Variants in KLHL1 observed in about 807,000 individuals in gnomAD.
KLHL1 encodes the protein kelch-like protein 1.
In KLHL1, 47 loss-of-function variants were observed where a neutral mutation model predicts 77.7. The ratio of observed to expected loss-of-function variants is 0.60; its 90% CI spans 0.48 to 0.77. The LOEUF (loss-of-function observed/expected upper bound fraction) is 0.77, where lower values mean the gene tolerates loss of function less well. Among genes scored for constraint, KLHL1 ranks in the 30% least tolerant of loss-of-function variants. KLHL1 has a pLI of 0.00. For synonymous variants in KLHL1, 360 were observed against 325.2 expected (o/e 1.11, Z -1.15); for missense variants, 925 against 910.8 (o/e 1.02, Z -0.20).
Position 69,796,951 on chromosome 13 carries a change from T to C in KLHL1, c.1426A>G (p.Ile476Val), listed in dbSNP as rs1326462934. ...GMDNNKGATT[I>V]EKYDLRTNLW... Reference sequence around the variant, plus strand: ...TTTGTTCTCAGATCATATTTCTCTATAGTTGTAGCTCCTGATAAAACATAA... The same window carrying C: ...TTTGTTCTCAGATCATATTTCTCTACAGTTGTAGCTCCTGATAAAACATAA... Residue 476 changes from isoleucine to valine, a missense_variant, in exon 7 of 11, where the codon ATA (isoleucine) becomes GTA (valine). Physicochemically the swap from Ile to Val is conservative, Grantham distance 29. Coordinates refer to ENST00000377844, the MANE Select transcript of KLHL1 (RefSeq NM_020866.3). 1 of 1,613,738 alleles carries C rather than the reference T, an allele frequency of 6.2e-7. No homozygotes were observed. The highest frequency in any genetic ancestry group is 1.7e-5 in the Admixed American group (1 of 60,020).
chr13:70,073,002 T>C (rs571377693), intron 1 of KLHL1, among the ~76,000 whole-genome samples: 2 of 152,240 alleles, frequency 1.3e-5, no homozygotes, highest in East Asian at 1.9e-4. Flanking sequence ...AGACAGTTGG[T>C]GATTCCTCAA....
At chr13:69,813,232 A>C (rs1013260634) in intron 6 of KLHL1, among the ~76,000 whole-genome samples, 56 of 151,972 alleles carry the variant, frequency 3.7e-4, no homozygotes, top group South Asian at 1.2e-3. Flanking sequence ...GGACAAAAAA[A>C]CAAACACCGC....
intron 4 of KLHL1, among the ~76,000 whole-genome samples, chr13:69,912,114 A>T (rs1223555814): frequency 6.6e-6 from 1 of 152,156 alleles, no homozygotes; most frequent in East Asian, 1.9e-4. Context: ...CAGAAAAATG[A>T]GGGGAGAAAG....
chr13:70,005,458 T>C (rs1019667710), intron 1 of KLHL1, among the ~76,000 whole-genome samples: 8 of 151,996 alleles, frequency 5.3e-5, no homozygotes, highest in Non-Finnish European at 1.0e-4. Flanking sequence ...TTAAAACATT[T>C]TGAAATTTGT....
At chr13:69,744,806 TG>T (rs1874138607) in intron 7 of KLHL1, among the ~76,000 whole-genome samples, 1 of 152,016 alleles carries the variant, frequency 6.6e-6, no homozygotes, top group African/African-American at 2.4e-5. Context: ...TTAGGTGAGA[TG>T]GTAACATTTT....
intron 8 of KLHL1, among the ~76,000 whole-genome samples, chr13:69,726,758 C>G (rs182652704): frequency 6.6e-6 from 1 of 152,126 alleles, no homozygotes; most frequent in African/African-American, 2.4e-5. Flanking sequence ...TTAATCCCTC[C>G]GTGTTTCCTC....
chr13:69,751,150 ATC>A (rs979070660), intron 7 of KLHL1, among the ~76,000 whole-genome samples: 1 of 126,978 alleles, frequency 7.9e-6, no homozygotes, highest in Non-Finnish European at 1.7e-5. Flanking sequence ...GTGTGTGTGT[ATC>A]TGTGTTGGGA....
chr13:70,094,647 T>C (rs1388060174), intron 1 of KLHL1, among the ~76,000 whole-genome samples: 1 of 152,080 alleles, frequency 6.6e-6, no homozygotes, highest in Non-Finnish European at 1.5e-5. Flanking sequence ...CCATTTTACT[T>C]TGGATGGGCT....
At chr13:69,729,950 A>AT (rs1377073617) in intron 8 of KLHL1, among the ~76,000 whole-genome samples, 2 of 152,176 alleles carry the variant, frequency 1.3e-5, no homozygotes, top group South Asian at 4.1e-4. Context: ...GGATTTCTTA[A>AT]TATATGATGT....
At chr13:70,032,579 T>C (rs7318901) in intron 1 of KLHL1, among the ~76,000 whole-genome samples, 124,410 of 152,118 alleles carry the variant, frequency 0.82, 51,660 homozygotes, top group East Asian at 0.92. Flanking sequence ...TTACTTACGA[T>C]GTTAGTTAAA....
intron 4 of KLHL1, among the ~76,000 whole-genome samples, chr13:69,902,605 A>T (rs1339487230): frequency 6.6e-6 from 1 of 152,166 alleles, no homozygotes; most frequent in Non-Finnish European, 1.5e-5. Context: ...TGTCCTTTGT[A>T]GGGACATGGA....
At chr13:69,966,344 T>C (rs924714135) in intron 2 of KLHL1, among the ~76,000 whole-genome samples, 1 of 152,126 alleles carries the variant, frequency 6.6e-6, no homozygotes. Flanking sequence ...CTAATTCTAC[T>C]CAGCCAGTGC....
At chr13:70,083,232 C>T (rs921428176) in intron 1 of KLHL1, among the ~76,000 whole-genome samples, 7 of 152,088 alleles carry the variant, frequency 4.6e-5, no homozygotes, top group South Asian at 2.1e-4. Context: ...TACAAATTGT[C>T]GTCACTACTA....
intron 1 of KLHL1, among the ~76,000 whole-genome samples, chr13:70,102,981 T>C (rs528856106): frequency 6.6e-6 from 1 of 152,198 alleles, no homozygotes; most frequent in South Asian, 2.1e-4. Context: ...ACAAACAAAA[T>C]CAACACAGAT....
intron 7 of KLHL1, among the ~76,000 whole-genome samples, chr13:69,775,701 T>C (rs1053989820): frequency 1.3e-5 from 2 of 151,772 alleles, no homozygotes; most frequent in African/African-American, 2.4e-5. Flanking sequence ...GGGTTTTTTT[T>C]TGTTTTTGAT....
chr13:69,730,289 G>A (rs912872407), intron 8 of KLHL1, among the ~76,000 whole-genome samples: 5 of 151,880 alleles, frequency 3.3e-5, no homozygotes, highest in Admixed American at 6.6e-5. Flanking sequence ...GTGTGTGTGT[G>A]TGTGTGTGTT....
At chr13:70,024,769 T>C (rs1368618126) in intron 1 of KLHL1, among the ~76,000 whole-genome samples, 1 of 151,826 alleles carries the variant, frequency 6.6e-6, no homozygotes, top group Non-Finnish European at 1.5e-5. Flanking sequence ...TGCATTGTTA[T>C]ACAGATCAAA....
intron 6 of KLHL1, among the ~76,000 whole-genome samples, chr13:69,801,473 C>T (rs778085982): frequency 1.3e-5 from 2 of 152,128 alleles, no homozygotes; most frequent in Non-Finnish European, 2.9e-5. Context: ...GCTGCCATTA[C>T]AAACATGTCA....
chr13:70,093,131 G>C (rs77284552), intron 1 of KLHL1, among the ~76,000 whole-genome samples: 3 of 152,032 alleles, frequency 2.0e-5, no homozygotes, highest in Non-Finnish European at 4.4e-5. Flanking sequence ...GCGCTATTAT[G>C]TAATTATGTG....
Sources: gnomAD v4.1 joint callset for allele counts (sites outside exome capture counted in the v4.1 genomes callset) on GRCh38, gnomAD v4.1.1 for gene constraint, MANE v1.5 for transcripts, NCBI Gene and HGNC (gene_info 2026-07-23, HGNC 2026-07-21) for gene names.